MACROD2: variants seen among roughly 807,000 people sequenced by gnomAD.
MACROD2 encodes the protein mono-ADP ribosylhydrolase 2.
MACROD2 carries 36 observed loss-of-function variants against 70.4 expected under a neutral mutation model. The ratio of observed to expected loss-of-function variants is 0.51; its 90% CI spans 0.39 to 0.68. MACROD2 has a LOEUF of 0.68. MACROD2 is among the 30% of genes least tolerant of loss of function. The pLI is 0.00. For synonymous variants in MACROD2, 172 were observed against 178.8 expected (o/e 0.96, Z 0.30); for missense variants, 496 against 538.4 (o/e 0.92, Z 0.78).
Position 15,210,238 on chromosome 20 carries a change from A to T in MACROD2, c.419-19702A>T, listed in dbSNP as rs535264543. ...TGTATGGCACATAGTTTTCTTTACT[A>T]TATGTTCTTTCCAGTTATTGGTAAG... On this transcript the variant is annotated intron_variant, in intron 5 of 17. Transcript: ENST00000684519. Among the ~76,000 whole-genome samples, 3 of 152,304 alleles carry T rather than the reference A, an allele frequency of 2.0e-5. No homozygotes were observed. The East Asian group carries it at 5.8e-4, about 29-fold the overall frequency.
chr20:15,922,856 T>C (rs910011522), intron 10 of MACROD2, among the ~76,000 whole-genome samples: 1 of 152,254 alleles, frequency 6.6e-6, no homozygotes, highest in African/African-American at 2.4e-5. Flanking sequence ...AGAGGGAGCT[T>C]CCCCAAAGTT....
intron 5 of MACROD2, among the ~76,000 whole-genome samples, chr20:14,813,145 G>T (rs1223837053): frequency 2.0e-5 from 3 of 150,622 alleles, no homozygotes; most frequent in African/African-American, 7.3e-5. Flanking sequence ...ATTTTCATTG[G>T]CTTTATATTT....
intron 3 of MACROD2, among the ~76,000 whole-genome samples, chr20:14,207,322 G>A (rs1176310099): frequency 6.6e-6 from 1 of 152,032 alleles, no homozygotes; most frequent in Admixed American, 6.6e-5. Flanking sequence ...GGATGGTCTC[G>A]ATCTCTTGAC....
At chr20:15,170,761 G>T (rs1601171866) in intron 5 of MACROD2, among the ~76,000 whole-genome samples, 1 of 152,346 alleles carries the variant, frequency 6.6e-6, no homozygotes, top group South Asian at 2.1e-4. Context: ...AGTGTTTTCA[G>T]TTGTCACAGG....
Position 14,787,155 on chromosome 20 carries a change from T to G in MACROD2, c.418+102196T>G, listed in dbSNP as rs147381751. On this transcript the variant is annotated intron_variant, in intron 5 of 17. Transcript: ENST00000684519. Reference sequence around the variant, plus strand: ...GATCTAAATGTAATAGACCATTTGATTCAATATTAAATGCCTATTAAAGAG... The same window carrying G: ...GATCTAAATGTAATAGACCATTTGAGTCAATATTAAATGCCTATTAAAGAG... Among the ~76,000 whole-genome samples the G allele has an allele frequency of 5.9e-5, 9 of 152,272 alleles. 1 individual carries two copies. Among genetic ancestry groups the G allele is most frequent in the African/African-American group, 1.9e-4 (8 of 41,526 alleles).
chr20:15,536,041 T>C (rs763258384), intron 8 of MACROD2, among the ~76,000 whole-genome samples: 19 of 152,158 alleles, frequency 1.2e-4, no homozygotes, highest in Non-Finnish European at 2.5e-4. Flanking sequence ...GTTGCAATTA[T>C]AAGAACAATA....
At chr20:15,632,765 G>T (rs2049309454) in intron 8 of MACROD2, among the ~76,000 whole-genome samples, 1 of 151,938 alleles carries the variant, frequency 6.6e-6, no homozygotes, top group Admixed American at 6.6e-5. Context: ...TATTTATCTT[G>T]CCTGCCTACT....
intron 3 of MACROD2, among the ~76,000 whole-genome samples, chr20:14,249,128 GTTTT>G (rs1173672516): frequency 9.7e-6 from 1 of 103,076 alleles, no homozygotes. Context: ...GATTTCAAAG[GTTTT>G]TTTTTTTTTT....
At chr20:15,243,897 G>C (rs1210801194) in intron 6 of MACROD2, among the ~76,000 whole-genome samples, 1 of 151,908 alleles carries the variant, frequency 6.6e-6, no homozygotes, top group South Asian at 2.1e-4. Context: ...CTGCACTCCA[G>C]CCTGGGCGAC....
At chr20:15,294,689 A>C (rs1303528151) in intron 6 of MACROD2, among the ~76,000 whole-genome samples, 1 of 152,242 alleles carries the variant, frequency 6.6e-6, no homozygotes, top group Non-Finnish European at 1.5e-5. Context: ...TTGGGCTGCC[A>C]CAAGGCCAAA....
chr20:15,501,410 G>A (rs1266787909), intron 8 of MACROD2, among the ~76,000 whole-genome samples: 1 of 152,182 alleles, frequency 6.6e-6, no homozygotes, highest in African/African-American at 2.4e-5. Flanking sequence ...TATCATCGAG[G>A]ATGTAGTGAT....
chr20:15,315,349 A>G (rs576935666), intron 6 of MACROD2, among the ~76,000 whole-genome samples: 7 of 152,310 alleles, frequency 4.6e-5, no homozygotes, highest in Non-Finnish European at 1.0e-4. Flanking sequence ...AAGAAGCTCA[A>G]TGAATCCCGA....
At chr20:15,017,464 C>T (rs1421162211) in intron 5 of MACROD2, among the ~76,000 whole-genome samples, 1 of 152,284 alleles carries the variant, frequency 6.6e-6, no homozygotes, top group South Asian at 2.1e-4. Flanking sequence ...GTGGCTTTTC[C>T]AGGTTCACAG....
chr20:14,662,782 G>A (rs1200092519), intron 4 of MACROD2, among the ~76,000 whole-genome samples: 2 of 151,866 alleles, frequency 1.3e-5, no homozygotes, highest in Non-Finnish European at 2.9e-5. Flanking sequence ...AAACCACAAT[G>A]AGATACCATC....
chr20:14,443,944 A>C (rs1330195431), intron 3 of MACROD2, among the ~76,000 whole-genome samples: 1 of 152,136 alleles, frequency 6.6e-6, no homozygotes, highest in Admixed American at 6.5e-5. Flanking sequence ...AGTGGTTGCT[A>C]CTATTGTGGC....
At chr20:15,504,350 G>A (rs953143627) in intron 8 of MACROD2, among the ~76,000 whole-genome samples, 2 of 151,992 alleles carry the variant, frequency 1.3e-5, no homozygotes, top group Non-Finnish European at 2.9e-5. Context: ...TAGCAGAAGA[G>A]CTAAAGCAGC....
chr20:14,681,777 AGTAAT>A (rs2070935583), intron 4 of MACROD2, among the ~76,000 whole-genome samples: 1 of 152,224 alleles, frequency 6.6e-6, no homozygotes. Flanking sequence ...GGAATTTAAA[AGTAAT>A]GTAATAGAGT....
At chr20:14,377,461 C>G (rs2083383138) in intron 3 of MACROD2, among the ~76,000 whole-genome samples, 1 of 152,188 alleles carries the variant, frequency 6.6e-6, no homozygotes, top group Admixed American at 6.5e-5. Context: ...TGTCTCATCA[C>G]TATCTATCAT....
At chr20:14,388,326 T>C (rs920339138) in intron 3 of MACROD2, among the ~76,000 whole-genome samples, 2 of 152,086 alleles carry the variant, frequency 1.3e-5, no homozygotes, top group African/African-American at 4.8e-5. Flanking sequence ...GTAAGTAGTT[T>C]TTATTAATTT....
Sources: allele counts gnomAD v4.1 joint callset (sites outside exome capture counted in the v4.1 genomes callset), GRCh38; gene constraint gnomAD v4.1.1; transcripts MANE v1.5; gene names NCBI Gene and HGNC (gene_info 2026-07-23, HGNC 2026-07-21).